The following SEC31A variants were observed in gnomAD, a reference collection of about 807,000 sequenced individuals.
The protein encoded by SEC31A is protein transport protein Sec31A.
SEC31A carries 70 observed loss-of-function variants against 151.0 expected under a neutral mutation model. That is an observed-to-expected ratio of 0.46 (90% CI 0.38 to 0.57). SEC31A has a LOEUF of 0.57. SEC31A is among the 20% of genes least tolerant of loss of function. The pLI is 0.00. For missense variants in SEC31A, 1,330 were observed against 1,471.2 expected, an observed-to-expected ratio of 0.90 and a Z score of 1.57; for synonymous variants, 475 against 505.9, an observed-to-expected ratio of 0.94 and a Z score of 0.82.
At chr4:82,835,955 A>G (rs1727128996) in intron 22 of SEC31A, among the ~76,000 whole-genome samples, 1 of 152,216 alleles carries the variant, frequency 6.6e-6, no homozygotes. Flanking sequence ...GAGAAACTGA[A>G]ACACTCGTGC....
Position 82,848,862 on chromosome 4 carries a change from C to A in SEC31A, c.2444G>T (p.Gly815Val), listed in dbSNP as rs780743504. The A allele has an allele frequency of 1.9e-6, 3 of 1,613,996 alleles. No individual in the cohort carries two copies. In the Admixed American group the frequency reaches 5.0e-5, roughly 27 times the overall value. ...CATCTGGTGGTGGCCAGCAACTGGT[C>A]CAGGCCTGCCCTTGGGGAGCTGCTG... ...EKQQLPKGRPGPVAGHHQMPR... is the reference protein window; with the variant it reads ...EKQQLPKGRPVPVAGHHQMPR... Residue 815 changes from glycine (G) to valine (V), a missense_variant, in exon 20 of 27, where the codon GGA (glycine) becomes GTA (valine). Gly to Val is a moderately radical substitution (Grantham distance 109). Coordinates refer to ENST00000395310, the MANE Select transcript of SEC31A (RefSeq NM_001077207.4).
chr4:82,829,346 G>T, intron 22 of SEC31A: 5 of 265,582 alleles, frequency 1.9e-5, no homozygotes, highest in Non-Finnish European at 3.5e-5. Context: ...TTATACTGGT[G>T]TATGACTTTC....
chr4:82,861,735 G>T, intron 13 of SEC31A, 27 bp from the exon 14 acceptor site: 1 of 1,507,652 alleles, frequency 6.6e-7, no homozygotes, highest in Non-Finnish European at 9.2e-7. Context: ...AATTACAGGG[G>T]AAGGTGAAGA....
At chr4:82,820,491 T>A (rs1211245824) in intron 26 of SEC31A, among the ~76,000 whole-genome samples, 1 of 152,190 alleles carries the variant, frequency 6.6e-6, no homozygotes, top group Non-Finnish European at 1.5e-5. Context: ...AAGACAATTT[T>A]AGAAAAGAAT....
intron 21 of SEC31A, 67 bp from the exon 22 acceptor site, chr4:82,842,548 T>A: frequency 8.5e-7 from 1 of 1,170,396 alleles, no homozygotes; most frequent in Non-Finnish European, 1.2e-6. Flanking sequence ...AGCAGAAAAC[T>A]AAAAAGTTAT....
intron 14 of SEC31A, among the ~76,000 whole-genome samples, chr4:82,860,561 G>A (rs550912816): frequency 1.1e-4 from 16 of 152,006 alleles, no homozygotes; most frequent in Non-Finnish European, 1.9e-4. Context: ...CTCCAACCAC[G>A]AACTCTTGGG....
upstream of SEC31A, among the ~76,000 whole-genome samples, chr4:82,891,668 A>C (rs1295969404): frequency 6.6e-6 from 1 of 152,238 alleles, no homozygotes; most frequent in African/African-American, 2.4e-5. Flanking sequence ...ATACAAAGTG[A>C]AACAATCTGG....
intron 26 of SEC31A, among the ~76,000 whole-genome samples, chr4:82,820,206 T>C (rs1337514438): frequency 6.9e-6 from 1 of 145,240 alleles, no homozygotes; most frequent in East Asian, 2.1e-4. Flanking sequence ...TGGGCTCCAG[T>C]GATCCTCCCG....
intron 6 of SEC31A, among the ~76,000 whole-genome samples, chr4:82,873,737 T>C (rs926004797): frequency 1.3e-5 from 2 of 152,164 alleles, no homozygotes. Context: ...AACTATCCAA[T>C]GTACTCATAA....
chr4:82,842,402 A>G lies in SEC31A; in HGVS notation c.2706T>C (p.Pro902=), dbSNP rs781045176. The G allele has an allele frequency of 5.0e-6, 8 of 1,613,898 alleles. No individual in the cohort carries two copies. In the African/African-American group the frequency reaches 9.3e-5, roughly 19 times the overall value. The change falls in exon 22 of 27, where the codon CCT becomes CCC. Residue 902 remains proline (P), a synonymous_variant. Coordinates refer to ENST00000395310, the MANE Select transcript of SEC31A (RefSeq NM_001077207.4). ...GGGTGTTAGGGTAAGCGTTTGAAGT[A>G]GGAGGAGCAACAGGCTGCTGAGGTC... The part of the protein sequence containing the change: ...MYRPQQPVAP[P]TSNAYPNTPY...
At chr4:82,892,341 T>C (rs1719850538), upstream of SEC31A, among the ~76,000 whole-genome samples, 1 of 152,258 alleles carries the variant, frequency 6.6e-6, no homozygotes, top group African/African-American at 2.4e-5. Flanking sequence ...TTTCTGTTCC[T>C]AGTGCAATTA....
chr4:82,828,869 G>A (rs1045489895), intron 23 of SEC31A, 131 bp downstream of exon 23: 7 of 628,338 alleles, frequency 1.1e-5, no homozygotes, highest in African/African-American at 1.8e-5. Context: ...GGTGCATGTT[G>A]AAATACACTT....
intron 7 of SEC31A, 127 bp downstream of exon 7, chr4:82,871,817 T>C: frequency 1.2e-5 from 15 of 1,210,318 alleles, no homozygotes; most frequent in Non-Finnish European, 1.6e-5. Context: ...CCAGCCTAAG[T>C]GACAGAGCAA....
upstream of SEC31A, chr4:82,893,296 T>C (rs998367321): frequency 1.3e-5 from 2 of 152,268 alleles, no homozygotes; most frequent in African/African-American, 4.8e-5. Context: ...CTGGAACTCC[T>C]GGCCTCCAGG....
At chr4:82,835,821 T>C (rs1361132857) in intron 22 of SEC31A, among the ~76,000 whole-genome samples, 3 of 151,868 alleles carry the variant, frequency 2.0e-5, no homozygotes, top group Non-Finnish European at 2.9e-5. Flanking sequence ...TAAAATTATG[T>C]GTATGTGTGT....
chr4:82,892,678 C>CTTG (rs1405615172), upstream of SEC31A, among the ~76,000 whole-genome samples: 3 of 152,212 alleles, frequency 2.0e-5, no homozygotes, highest in Non-Finnish European at 4.4e-5. Context: ...AACAAATCAA[C>CTTG]AAACTTTGAA....
chr4:82,833,720 G>A (rs1354707325), intron 22 of SEC31A, among the ~76,000 whole-genome samples: 1 of 152,166 alleles, frequency 6.6e-6, no homozygotes, highest in Non-Finnish European at 1.5e-5. Flanking sequence ...TGGAATGTCA[G>A]TATGTCAGAC....
At chr4:82,888,802 T>G (rs1358284170) in intron 1 of SEC31A, among the ~76,000 whole-genome samples, 1 of 152,236 alleles carries the variant, frequency 6.6e-6, no homozygotes, top group African/African-American at 2.4e-5. Flanking sequence ...AGGTGGAAAC[T>G]TTTTTATTTC....
intron 1 of SEC31A, among the ~76,000 whole-genome samples, chr4:82,884,425 T>C (rs1486715089): frequency 1.3e-5 from 2 of 152,232 alleles, no homozygotes; most frequent in African/African-American, 2.4e-5. Context: ...TTTAGAGTTT[T>C]ACGTTCCTAG....
Sources: allele counts gnomAD v4.1 joint callset (sites outside exome capture counted in the v4.1 genomes callset), GRCh38; gene constraint gnomAD v4.1.1; transcripts MANE v1.5; gene names NCBI Gene and HGNC (gene_info 2026-07-23, HGNC 2026-07-21).